Variants in GPR135 observed in about 807,000 individuals in gnomAD.
GPR135 encodes G-protein coupled receptor 135.
A neutral mutation model predicts 15.0 loss-of-function variants in GPR135; 17 were observed. That is an observed-to-expected ratio of 1.13 (90% CI 0.78 to 1.70). The LOEUF is 1.70. GPR135 is among the 40% of genes most tolerant of loss of function. GPR135 has a pLI of 0.00. For synonymous variants in GPR135, 368 were observed against 349.4 expected (o/e 1.05, Z -0.59); for missense variants, 776 against 727.0 (o/e 1.07, Z -0.78).
chr14:59,463,497 A>C lies in GPR135; in HGVS notation c.*245T>G, dbSNP rs1404943685. On this transcript the variant is annotated 3_prime_UTR_variant, in exon 1 of 1. Coordinates refer to ENST00000395116, the MANE Select transcript of GPR135 (RefSeq NM_022571.6). ...GAATGTTATTTTTGTCATTTTTGGC[A>C]CTTACAGTTCACAATGCTTGGTTAT... 2.0e-5 allele frequency: 10 copies of C among 509,826 alleles called. No individual in the cohort carries two copies. Among genetic ancestry groups the C allele is most frequent in the Admixed American group, 3.8e-5 (1 of 26,384 alleles). 31.6% of individuals were successfully genotyped at this position (509,826 alleles called of 1,614,324 possible).
chr14:59,464,549 C>A lies in GPR135; in HGVS notation c.678G>T (p.Ala226=), dbSNP rs751161634. The A allele has an allele frequency of 1.0e-5, 16 of 1,557,792 alleles. No individual in the cohort carries two copies. Among genetic ancestry groups the A allele is most frequent in the Non-Finnish European group, 1.2e-5 (14 of 1,162,552 alleles). ...PPREKIGRRR[A]LQLLAGAWLT... ...GCCAGGCGCCCGCCAGCAGCTGCAG[C>A]GCGCGGCGGCGGCCGATCTTCTCCC... The change falls in exon 1 of 1, where the codon GCG becomes GCT. Residue 226 remains alanine, a synonymous_variant. Coordinates refer to ENST00000395116, the MANE Select transcript of GPR135 (RefSeq NM_022571.6).
downstream of GPR135, among the ~76,000 whole-genome samples, chr14:59,459,942 G>T (rs1014044545): frequency 6.6e-6 from 1 of 152,336 alleles, no homozygotes; most frequent in East Asian, 1.9e-4. Context: ...CTGAGAACTA[G>T]TACAAATCTA....
intron 6 of GPR135, among the ~76,000 whole-genome samples, chr14:59,454,953 A>T (rs1199119560): frequency 6.6e-6 from 1 of 152,102 alleles, no homozygotes; most frequent in Non-Finnish European, 1.5e-5. Flanking sequence ...ACAAAAAATT[A>T]GCCGGGCCTG....
chr14:59,459,828 G>A (rs766130476), downstream of GPR135, among the ~76,000 whole-genome samples: 1 of 152,146 alleles, frequency 6.6e-6, no homozygotes. Context: ...GCAGGGATAT[G>A]GTTCAGTGGG....
chr14:59,464,116 C>A lies in GPR135; in HGVS notation c.1111G>T (p.Val371Leu). ...TMQAPSLLSV[V>L]AVWLTWANGA... ...TTGGCCCAGGTCAGCCAGACGGCCA[C>A]CACGCTGAGGAGCGAGGGGGCCTGC... Residue 371 changes from valine to leucine, a missense_variant, in exon 1 of 1, where the codon GTG becomes TTG. Physicochemically the swap from Val to Leu is conservative, Grantham distance 32. Coordinates refer to ENST00000395116, the MANE Select transcript of GPR135 (RefSeq NM_022571.6). 1.2e-6 allele frequency: 2 copies of A among 1,611,416 alleles called. No homozygotes were observed. The highest frequency in any genetic ancestry group is 2.2e-5 in the South Asian group (2 of 91,084).
chr14:59,457,751 A>AT (rs1888708817), downstream of GPR135, among the ~76,000 whole-genome samples: 1 of 152,222 alleles, frequency 6.6e-6, no homozygotes, highest in African/African-American at 2.4e-5. Context: ...TAGTTTAAAA[A>AT]TTATTTGAAC....
At chr14:59,454,823 C>T (rs1291945993) in intron 6 of GPR135, among the ~76,000 whole-genome samples, 1 of 151,980 alleles carries the variant, frequency 6.6e-6, no homozygotes, top group African/African-American at 2.4e-5. Flanking sequence ...AAGGAGAGGC[C>T]GGGTGCGGTG....
At chr14:59,454,242 A>G (rs1419729935) in intron 6 of GPR135, among the ~76,000 whole-genome samples, 46 of 152,214 alleles carry the variant, frequency 3.0e-4, no homozygotes, top group Admixed American at 3.0e-3. Flanking sequence ...GCCAGCCTAC[A>G]TCTTTCTCCT....
chr14:59,464,955 G>T lies in GPR135; in HGVS notation c.272C>A (p.Pro91Gln), dbSNP rs894901115. 3 of 1,518,450 alleles carry T rather than the reference G, an allele frequency of 2.0e-6. No individual in the cohort carries two copies. The Admixed American group carries it at 6.5e-5, about 33-fold the overall frequency. 94.1% of individuals were successfully genotyped at this position (1,518,450 alleles called of 1,614,324 possible). ...GTGCGACAGCAGCGGCGCCGCCTCC[G>T]GGCCTAGCGGCCGCCTCACCGCCGC... ...AGAAVRRPLG[P>Q]EAAPLLSHGA... Residue 91 changes from proline to glutamine, a missense_variant, in exon 1 of 1, where the codon CCG becomes CAG. By Grantham distance (76) the Pro-to-Gln change is moderately conservative. Coordinates refer to ENST00000395116, the MANE Select transcript of GPR135 (RefSeq NM_022571.6).
At chr14:59,456,711 A>C (rs990594157), downstream of GPR135, among the ~76,000 whole-genome samples, 4 of 152,204 alleles carry the variant, frequency 2.6e-5, no homozygotes, top group Non-Finnish European at 5.9e-5. Context: ...ATAGTATAAA[A>C]TTAGAGATAA....
rs557808690 is a variant in GPR135 at position 59,461,057 on chromosome 14, C to T, written c.*2685G>A. 1 of 152,224 alleles carries T rather than the reference C, an allele frequency of 6.6e-6. No individual in the cohort carries two copies. Among genetic ancestry groups the T allele is most frequent in the Non-Finnish European group, 1.5e-5 (1 of 68,036 alleles). The allele number at this position is 152,224 out of a possible 1,614,324, so 9.4% of individuals were successfully genotyped here. On this transcript the variant is annotated 3_prime_UTR_variant, in exon 1 of 1. Transcript: ENST00000395116. Reference sequence around the variant, plus strand: ...ACACCTTTTCTTTTCCACAAGTAAACTTGTTATGGCTGATTGTTGTTACAA... The same window carrying T: ...ACACCTTTTCTTTTCCACAAGTAAATTTGTTATGGCTGATTGTTGTTACAA...
In GPR135 at chr14:59,465,143, G is replaced by A. The variant is rs754454546; in HGVS notation, c.84C>T (p.Gly28=). ...CCGCGGAGGAAGTCCCGCCAGGTGGGCCGGCCGCGGAGGGGGCGCCGGAGT... is the reference window on the plus strand; with the variant it reads ...CCGCGGAGGAAGTCCCGCCAGGTGGACCGGCCGCGGAGGGGGCGCCGGAGT... ...SQHSGAPSAA[G]PPGGTSSAAT... Residue 28 remains glycine (G), a synonymous_variant, in exon 1 of 1, where the codon GGC becomes GGT. Coordinates refer to ENST00000395116, the MANE Select transcript of GPR135 (RefSeq NM_022571.6). The A allele has an allele frequency of 7.4e-7, 1 of 1,354,634 alleles. No homozygotes were observed. Among genetic ancestry groups the A allele is most frequent in the Non-Finnish European group, 9.5e-7 (1 of 1,054,140 alleles). The allele number at this position is 1,354,634 out of a possible 1,614,324, so 83.9% of individuals were successfully genotyped here.
In GPR135 at chr14:59,461,862, C is replaced by A. The variant is rs1306546033; in HGVS notation, c.*1880G>T. 2 of 152,112 alleles carry A rather than the reference C, an allele frequency of 1.3e-5. No homozygotes were observed. The highest frequency in any genetic ancestry group is 6.5e-5 in the Admixed American group (1 of 15,286). 9.4% of individuals were successfully genotyped at this position (152,112 alleles called of 1,614,324 possible). A position where few individuals can be genotyped will look rare whatever the true frequency, so the allele number is the denominator to read the frequency against. On this transcript the variant is annotated 3_prime_UTR_variant, in exon 1 of 1. Transcript: ENST00000395116. ...TACACAATTTTTTGCCTTTAACAGG[C>A]AAATACCGCAGACACCTGTTTTTGT...
rs950032836 is a variant in GPR135 at position 59,463,907 on chromosome 14, G to C, written c.1320C>G (p.Ala440=). 7.4e-6 allele frequency: 12 copies of C among 1,614,084 alleles called. No homozygotes were observed. The Middle Eastern group carries it at 4.9e-4, about 67-fold the overall frequency. ...LRNRYANRLG[A]CNRMSSSNPA... is the part of the protein sequence containing the mutation. ...GGTTGGAAGAGGACATCCTGTTGCA[G>C]GCCCCCAGCCGGTTGGCATAGCGGT... The change falls in exon 1 of 1, where the codon GCC becomes GCG. Residue 440 remains alanine (A), a synonymous_variant. Coordinates refer to ENST00000395116, the MANE Select transcript of GPR135 (RefSeq NM_022571.6).
At chr14:59,456,566 C>T (rs1476837094), downstream of GPR135, 4 of 152,178 alleles carry the variant, frequency 2.6e-5, no homozygotes, top group Non-Finnish European at 5.9e-5. Context: ...GGTAATGTGG[C>T]AATTTGTATT....
In GPR135 at chr14:59,460,919, G is replaced by A. The variant is rs1888833344; in HGVS notation, c.*2823C>T. The A allele has an allele frequency of 6.6e-6, 1 of 152,202 alleles. No homozygotes were observed. Among genetic ancestry groups the A allele is most frequent in the Non-Finnish European group, 1.5e-5 (1 of 68,026 alleles). The allele number at this position is 152,202 out of a possible 1,614,324, so 9.4% of individuals were successfully genotyped here. On this transcript the variant is annotated 3_prime_UTR_variant, in exon 1 of 1. Coordinates refer to ENST00000395116, the MANE Select transcript of GPR135 (RefSeq NM_022571.6). ...GAATCATTCTTTCTTCACCTTTTGA[G>A]GTATTGATTGTCTAAGTATTTACAC...
At chr14:59,457,181 T>A (rs1163045021), downstream of GPR135, among the ~76,000 whole-genome samples, 3 of 152,238 alleles carry the variant, frequency 2.0e-5, no homozygotes, top group Non-Finnish European at 2.9e-5. Context: ...TTAATCTTAC[T>A]GGGATTCCCT....
chr14:59,463,644 G>T lies in GPR135; in HGVS notation c.*98C>A. 1 of 1,185,198 alleles carries T rather than the reference G, an allele frequency of 8.4e-7. No individual in the cohort carries two copies. Among genetic ancestry groups the T allele is most frequent in the Non-Finnish European group, 1.2e-6 (1 of 853,598 alleles). The allele number at this position is 1,185,198 out of a possible 1,614,324, so 73.4% of individuals were successfully genotyped here. A position where few individuals can be genotyped will look rare whatever the true frequency, so the allele number is the denominator to read the frequency against. Reference sequence around the variant, plus strand: ...GCCTCCCCCGTCTCTAGCTTTAAATGTTTGGCTTTATGAAATCCACAACTC... The same window carrying T: ...GCCTCCCCCGTCTCTAGCTTTAAATTTTTGGCTTTATGAAATCCACAACTC... On this transcript the variant is annotated 3_prime_UTR_variant, in exon 1 of 1. Transcript: ENST00000395116.
In GPR135 at chr14:59,465,099, G is replaced by A; in HGVS notation, c.128C>T (p.Ser43Phe). Residue 43 changes from serine to phenylalanine, a missense_variant, in exon 1 of 1, where the codon TCC (serine) becomes TTC (phenylalanine). By Grantham distance (155) the Ser-to-Phe change is radical. Coordinates refer to ENST00000395116, the MANE Select transcript of GPR135 (RefSeq NM_022571.6). ...CGCCGCGGTCGCCACGGTGCTGAAG[G>A]AGAGCACGGCCGCCGTGGCCGCGGA... ...TSSAATAAVL[S>F]FSTVATAALG... 2.9e-6 allele frequency: 4 copies of A among 1,387,310 alleles called. No homozygotes were observed. Among genetic ancestry groups the A allele is most frequent in the South Asian group, 1.6e-5 (1 of 60,710 alleles). The allele number at this position is 1,387,310 out of a possible 1,614,324, so 85.9% of individuals were successfully genotyped here.
Sources: allele counts gnomAD v4.1 joint callset (sites outside exome capture counted in the v4.1 genomes callset), GRCh38; gene constraint gnomAD v4.1.1; transcripts MANE v1.5; gene names NCBI Gene and HGNC (gene_info 2026-07-23, HGNC 2026-07-21).